Variants in MZT1 observed in about 807,000 individuals in gnomAD.
MZT1 encodes mitotic spindle organizing protein 1.
A neutral mutation model predicts 8.5 loss-of-function variants in MZT1; 8 were observed. The observed-to-expected ratio is 0.94, with a 90% CI of 0.55 to 1.70. The LOEUF (loss-of-function observed/expected upper bound fraction) is 1.70, where lower values mean the gene tolerates loss of function less well. Among genes scored for constraint, MZT1 ranks in the 40% most tolerant of loss-of-function variants. MZT1 has a pLI of 0.00. For synonymous variants in MZT1, 38 were observed against 42.0 expected (o/e 0.90, Z 0.37); for missense variants, 93 against 108.6 (o/e 0.86, Z 0.64).
At chr13:72,714,179 T>C (rs762087581) in intron 2 of MZT1, among the ~76,000 whole-genome samples, 2 of 152,118 alleles carry the variant, frequency 1.3e-5, no homozygotes, top group African/African-American at 4.8e-5. Flanking sequence ...TTTGGCTGCA[T>C]TGTGCCCATG....
intron 1 of MZT1, among the ~76,000 whole-genome samples, chr13:72,727,093 C>A (rs1320961897): frequency 6.6e-6 from 1 of 152,248 alleles, no homozygotes; most frequent in Non-Finnish European, 1.5e-5. Context: ...CCCCTGTCCC[C>A]GCCGGGATCC....
At chr13:72,718,863 T>G in intron 2 of MZT1, 89 bp downstream of exon 2, 1 of 1,281,964 alleles carries the variant, frequency 7.8e-7, no homozygotes, top group South Asian at 1.7e-5. Context: ...TAACCTTGTT[T>G]AACCAGGATG....
At chr13:72,714,228 T>A (rs1230507290) in intron 2 of MZT1, among the ~76,000 whole-genome samples, 2 of 152,202 alleles carry the variant, frequency 1.3e-5, no homozygotes, top group African/African-American at 4.8e-5. Flanking sequence ...GAGAGTGATT[T>A]AGGGTATCTG....
chr13:72,723,982 T>G (rs1274310701), intron 1 of MZT1, among the ~76,000 whole-genome samples: 1 of 152,138 alleles, frequency 6.6e-6, no homozygotes, highest in Non-Finnish European at 1.5e-5. Flanking sequence ...TGAGTAGAAA[T>G]CAACCAGACT....
At chr13:72,723,824 T>G (rs1322657237) in intron 1 of MZT1, among the ~76,000 whole-genome samples, 1 of 139,256 alleles carries the variant, frequency 7.2e-6, no homozygotes, top group Non-Finnish European at 1.6e-5. Flanking sequence ...GATATTAAAG[T>G]AATAACTGAT....
At chr13:72,718,533 T>C (rs1344811948) in intron 2 of MZT1, among the ~76,000 whole-genome samples, 2 of 151,978 alleles carry the variant, frequency 1.3e-5, no homozygotes, top group East Asian at 3.9e-4. Flanking sequence ...TGGAGTGCAG[T>C]GTCGCCAACT....
rs563724396 is a variant in MZT1 at position 72,712,310 on chromosome 13, C to A, written c.226-1965G>T. Among the ~76,000 whole-genome samples, 5 of 152,260 alleles carry A rather than the reference C, an allele frequency of 3.3e-5. No individual in the cohort carries two copies. The South Asian group carries it at 8.3e-4, about 25-fold the overall frequency. On this transcript the variant is annotated intron_variant, in intron 2 of 2. Coordinates refer to ENST00000377818, the MANE Select transcript of MZT1 (RefSeq NM_001071775.3). ...AGAACTACAGGTGTGTACCACCATACCCAGCTAACTAAAATAAATATTTTG... is the reference window on the plus strand; with the variant it reads ...AGAACTACAGGTGTGTACCACCATAACCAGCTAACTAAAATAAATATTTTG...
At chr13:72,718,074 TTTAC>T (rs2138011988) in intron 2 of MZT1, among the ~76,000 whole-genome samples, 1 of 152,310 alleles carries the variant, frequency 6.6e-6, no homozygotes, top group Admixed American at 6.5e-5. Context: ...CAAAAATCTA[TTTAC>T]AGTTTGAAGG....
At position 72,709,395 on chromosome 13, in the gene MZT1, C is replaced by T. The variant is rs1593794508; in HGVS notation, c.*927G>A. The stretch of plus-strand genomic sequence containing the variant: ...AAAATAGCAAGTATCTTTTGAAACA[C>T]ATCACCCATCTAATAATTTATTAAA... On this transcript the variant is annotated 3_prime_UTR_variant, in exon 3 of 3. Transcript: ENST00000377818. 1 of 151,918 alleles carries T rather than the reference C, an allele frequency of 6.6e-6. No homozygotes were observed. Among genetic ancestry groups the T allele is most frequent in the South Asian group, 2.1e-4 (1 of 4,812 alleles). The allele number at this position is 151,918 out of a possible 1,614,324, so 9.4% of individuals were successfully genotyped here.
At chr13:72,712,475 G>A (rs1308561143) in intron 2 of MZT1, among the ~76,000 whole-genome samples, 1 of 152,200 alleles carries the variant, frequency 6.6e-6, no homozygotes, top group Non-Finnish European at 1.5e-5. Context: ...GTTTTAATGT[G>A]ATGCTAGTAT....
intron 2 of MZT1, among the ~76,000 whole-genome samples, chr13:72,713,309 G>C (rs962348568): frequency 6.6e-6 from 1 of 152,174 alleles, no homozygotes; most frequent in Non-Finnish European, 1.5e-5. Context: ...TCTGATTTCA[G>C]ATGTCCTAAA....
intron 2 of MZT1, among the ~76,000 whole-genome samples, chr13:72,715,476 G>A (rs1240073060): frequency 6.6e-6 from 1 of 152,156 alleles, no homozygotes; most frequent in African/African-American, 2.4e-5. Flanking sequence ...GTTGCAATGT[G>A]AGAAGAACAC....
intron 2 of MZT1, among the ~76,000 whole-genome samples, chr13:72,715,735 C>A (rs2032528947): frequency 6.6e-6 from 1 of 152,096 alleles, no homozygotes; most frequent in Admixed American, 6.6e-5. Flanking sequence ...GCACCTCACT[C>A]TCTCCCTCTC....
chr13:72,717,357 T>TA (rs1415455914), intron 2 of MZT1, among the ~76,000 whole-genome samples: 12 of 150,916 alleles, frequency 8.0e-5, no homozygotes, highest in Non-Finnish European at 1.3e-4. Context: ...TTTTTTTTTT[T>TA]AGATGGAGTT....
At chr13:72,718,181 T>C (rs1223995732) in intron 2 of MZT1, among the ~76,000 whole-genome samples, 1 of 152,236 alleles carries the variant, frequency 6.6e-6, no homozygotes, top group Non-Finnish European at 1.5e-5. Flanking sequence ...CCTTGCCTCT[T>C]TCTAGCTTCT....
rs1046588 is a variant in MZT1, at chr13:72,718,994, T to A, written c.183A>T (p.Ser61=). ...CCTTGCGAAGCTCCTTAATAACCGA[T>A]GATAAAGCTTCTGGGTTAATTCCTT... ...CEQGINPEAL[S]SVIKELRKAT... Residue 61 remains serine (S), a synonymous_variant, in exon 2 of 3, where the codon TCA becomes TCT. Coordinates refer to ENST00000377818, the MANE Select transcript of MZT1 (RefSeq NM_001071775.3). The A allele has an allele frequency of 0.023, 36,004 of 1,593,134 alleles. 766 individuals carry two copies. The highest frequency in any genetic ancestry group is 0.11 in the African/African-American group (7,770 of 73,236).
At position 72,718,589 on chromosome 13, in the gene MZT1, T is replaced by C. The variant is rs553152095; in HGVS notation, c.225+363A>G. Among the ~76,000 whole-genome samples, 7 of 152,206 alleles carry C rather than the reference T, an allele frequency of 4.6e-5. No homozygotes were observed. The South Asian group carries it at 1.0e-3, about 23-fold the overall frequency. On this transcript the variant is annotated intron_variant, in intron 2 of 2. Coordinates refer to ENST00000377818, the MANE Select transcript of MZT1 (RefSeq NM_001071775.3). ...GCCTCCTGGGTTCACGCCATTCTCC[T>C]GCCTCAGCCTCCCAAGTAGCTGGGA...
In MZT1 at chr13:72,708,715, T is replaced by G. The variant is rs1267885743; in HGVS notation, c.*1607A>C. On this transcript the variant is annotated 3_prime_UTR_variant, in exon 3 of 3. Coordinates refer to ENST00000377818, the MANE Select transcript of MZT1 (RefSeq NM_001071775.3). ...GTTGATTATAAATCAAATGACTTTT[T>G]ACAAATTCCTACTGTCTCCTCAACC... 1.3e-5 allele frequency: 2 copies of G among 152,136 alleles called. No individual in the cohort carries two copies. The highest frequency in any genetic ancestry group is 3.8e-4 in the East Asian group (2 of 5,196). The allele number at this position is 152,136 out of a possible 1,614,324, so 9.4% of individuals were successfully genotyped here.
intron 2 of MZT1, among the ~76,000 whole-genome samples, chr13:72,712,612 T>C (rs1213047792): frequency 6.6e-6 from 1 of 152,218 alleles, no homozygotes; most frequent in Non-Finnish European, 1.5e-5. Flanking sequence ...ACCTCCCACA[T>C]CTCACTATGG....
Sources: allele counts gnomAD v4.1 joint callset (sites outside exome capture counted in the v4.1 genomes callset), GRCh38; gene constraint gnomAD v4.1.1; transcripts MANE v1.5; gene names NCBI Gene and HGNC (gene_info 2026-07-23, HGNC 2026-07-21).